The following UBASH3B variants were observed in gnomAD, a reference collection of about 807,000 sequenced individuals.
UBASH3B encodes the protein ubiquitin-associated and SH3 domain-containing protein B.
UBASH3B carries 37 observed loss-of-function variants against 83.4 expected under a neutral mutation model. The ratio of observed to expected loss-of-function variants is 0.44; its 90% CI spans 0.34 to 0.58. The LOEUF (loss-of-function observed/expected upper bound fraction) is 0.58. Among genes scored for constraint, UBASH3B ranks in the 20% least tolerant of loss-of-function variants. The pLI is 0.01. For synonymous variants in UBASH3B, 304 were observed against 318.3 expected, an observed-to-expected ratio of 0.96 and a Z score of 0.48; for missense variants, 657 against 827.2, an observed-to-expected ratio of 0.79 and a Z score of 2.52.
Position 122,729,795 on chromosome 11 carries a change from C to CAAAAAAA in UBASH3B, c.162-46406_162-46400dup, listed in dbSNP as rs71054092. On this transcript the variant is annotated intron_variant, in intron 1 of 13. Transcript: ENST00000284273. Reference sequence around the variant, plus strand: ...GCAACATAGCAAGACCCTATCTCTACAAAAAAAAAAAAAAAAAAAAAAAAC... The same window carrying CAAAAAAA: ...GCAACATAGCAAGACCCTATCTCTACAAAAAAAAAAAAAAAAAAAAAAAAAAAAAAAC... Among the ~76,000 whole-genome samples, 54 of 40,898 alleles carry CAAAAAAA rather than the reference C, an allele frequency of 1.3e-3. 2 individuals carry two copies. Among genetic ancestry groups the CAAAAAAA allele is most frequent in the African/African-American group, 4.1e-3 (40 of 9,658 alleles). 26.8% of individuals were successfully genotyped at this position (40,898 alleles called of 152,430 possible).
intron 1 of UBASH3B, among the ~76,000 whole-genome samples, chr11:122,765,253 G>C (rs2040320): frequency 0.97 from 147,017 of 152,336 alleles, 71,215 homozygotes; most frequent in Middle Eastern, 1. Context: ...ATATCCTCAA[G>C]TTCCTCTAAT....
chr11:122,805,791 TTG>T (rs927672998), intron 11 of UBASH3B, among the ~76,000 whole-genome samples: 2 of 152,100 alleles, frequency 1.3e-5, no homozygotes, highest in Non-Finnish European at 2.9e-5. Flanking sequence ...CCTTTGTAGA[TTG>T]TATAGTAATT....
chr11:122,728,614 A>G (rs1180280163), intron 1 of UBASH3B, among the ~76,000 whole-genome samples: 1 of 152,220 alleles, frequency 6.6e-6, no homozygotes, highest in Non-Finnish European at 1.5e-5. Context: ...CCAGCCTAAC[A>G]TGGTGTTTGG....
chr11:122,748,349 C>T (rs1378723136), intron 1 of UBASH3B, among the ~76,000 whole-genome samples: 2 of 152,142 alleles, frequency 1.3e-5, no homozygotes, highest in East Asian at 1.9e-4. Context: ...AATGAACCCC[C>T]ATGTATCTTC....
chr11:122,714,107 C>T (rs771533495), intron 1 of UBASH3B, among the ~76,000 whole-genome samples: 8 of 152,186 alleles, frequency 5.3e-5, no homozygotes, highest in East Asian at 1.9e-4. Context: ...TGATTGCCTT[C>T]GTCTAAGTCA....
chr11:122,735,598 T>C (rs570173631), intron 1 of UBASH3B, among the ~76,000 whole-genome samples: 2 of 152,344 alleles, frequency 1.3e-5, no homozygotes, highest in South Asian at 4.1e-4. Context: ...ATACACAGTG[T>C]GGGAAATGCC....
intron 1 of UBASH3B, among the ~76,000 whole-genome samples, chr11:122,725,992 C>A (rs932022801): frequency 2.6e-5 from 4 of 152,040 alleles, no homozygotes; most frequent in African/African-American, 9.7e-5. Flanking sequence ...GCACCCGGCC[C>A]CTTGTTTCAT....
chr11:122,739,569 G>A (rs1860991951), intron 1 of UBASH3B, among the ~76,000 whole-genome samples: 2 of 152,094 alleles, frequency 1.3e-5, no homozygotes, highest in Admixed American at 6.5e-5. Context: ...ATCCATGGTC[G>A]GGTATTGGAA....
At chr11:122,761,752 T>C (rs1186729703) in intron 1 of UBASH3B, among the ~76,000 whole-genome samples, 8 of 149,636 alleles carry the variant, frequency 5.3e-5, no homozygotes, top group African/African-American at 2.0e-4. Flanking sequence ...GAAATCACTC[T>C]TCATTTTCAT....
chr11:122,778,584 A>G (rs1431567936), intron 3 of UBASH3B, among the ~76,000 whole-genome samples: 2 of 148,846 alleles, frequency 1.3e-5, no homozygotes, highest in Non-Finnish European at 3.0e-5. Context: ...AGCAAGGAGA[A>G]CTTTGATTTT....
chr11:122,714,482 A>C (rs1366076526), intron 1 of UBASH3B, among the ~76,000 whole-genome samples: 2 of 152,232 alleles, frequency 1.3e-5, no homozygotes, highest in East Asian at 3.8e-4. Flanking sequence ...TTAAAACCTG[A>C]AGCAAGTGAG....
chr11:122,775,370 T>C (rs1323915545), intron 1 of UBASH3B, among the ~76,000 whole-genome samples: 1 of 152,220 alleles, frequency 6.6e-6, no homozygotes, highest in Non-Finnish European at 1.5e-5. Flanking sequence ...TTTGAGTTGT[T>C]TCTCCAGAAG....
intron 1 of UBASH3B, among the ~76,000 whole-genome samples, chr11:122,714,210 T>G (rs947330605): frequency 6.6e-6 from 1 of 152,184 alleles, no homozygotes; most frequent in Admixed American, 6.6e-5. Flanking sequence ...ATATTGGGAT[T>G]CCCCTAAATA....
intron 1 of UBASH3B, among the ~76,000 whole-genome samples, chr11:122,770,497 G>A (rs1860624366): frequency 6.6e-6 from 1 of 151,688 alleles, no homozygotes; most frequent in Admixed American, 6.6e-5. Context: ...GAGTGATTTG[G>A]GAGCAGAAGG....
intron 1 of UBASH3B, among the ~76,000 whole-genome samples, chr11:122,714,196 G>A (rs55787795): frequency 0.13 from 19,026 of 152,182 alleles, 1,324 homozygotes; most frequent in African/African-American, 0.17. Flanking sequence ...CTCCCCCTTC[G>A]CTCATATTGG....
intron 1 of UBASH3B, among the ~76,000 whole-genome samples, chr11:122,714,832 A>G (rs1334310111): frequency 2.0e-5 from 3 of 152,248 alleles, no homozygotes; most frequent in Non-Finnish European, 4.4e-5. Flanking sequence ...CATTATCTGC[A>G]TAACCTTGTA....
At chr11:122,744,150 C>G (rs965776404) in intron 1 of UBASH3B, among the ~76,000 whole-genome samples, 1 of 152,190 alleles carries the variant, frequency 6.6e-6, no homozygotes, top group African/African-American at 2.4e-5. Flanking sequence ...CCCCTTCCCA[C>G]GCAGGCTTCC....
In UBASH3B at chr11:122,752,884, G is replaced by C. The variant is rs1861221434; in HGVS notation, c.162-23335G>C. 2.6e-5 allele frequency among the ~76,000 whole-genome samples: 4 copies of C among 152,150 alleles called. 1 individual carries two copies. In the South Asian group the frequency reaches 8.3e-4, roughly 32 times the overall value. ...TGATTCATACAAACAACCAACCTTT[G>C]AGGATAGTATTATTATTACCCTCAT... On this transcript the variant is annotated intron_variant, in intron 1 of 13. Transcript: ENST00000284273.
chr11:122,693,756 C>T (rs1271227432), intron 1 of UBASH3B, among the ~76,000 whole-genome samples: 1 of 152,120 alleles, frequency 6.6e-6, no homozygotes, highest in African/African-American at 2.4e-5. Context: ...GCCTGTAATC[C>T]TAACTACTGA....
Sources: allele counts gnomAD v4.1 joint callset (sites outside exome capture counted in the v4.1 genomes callset), GRCh38; gene constraint gnomAD v4.1.1; transcripts MANE v1.5; gene names NCBI Gene and HGNC (gene_info 2026-07-23, HGNC 2026-07-21).